The following NDUFS2 variants were observed in gnomAD, a reference collection of about 807,000 sequenced individuals.
NDUFS2 encodes NADH:ubiquinone oxidoreductase core subunit S2.
NDUFS2 carries 38 observed loss-of-function variants against 69.6 expected under a neutral mutation model. The observed-to-expected ratio is 0.55, with a 90% confidence interval of 0.42 to 0.72. The LOEUF (loss-of-function observed/expected upper bound fraction) is 0.72. Ranked by LOEUF, NDUFS2 falls within the 30% of genes least tolerant of loss-of-function variation. NDUFS2 has a pLI of 0.00. For missense variants in NDUFS2, 468 were observed against 595.0 expected (o/e 0.79, Z 2.22); for synonymous variants, 194 against 211.2 (o/e 0.92, Z 0.70).
intron 4 of NDUFS2, 23 bp downstream of exon 4, chr1:161,209,336 G>A (rs762166757): frequency 6.8e-6 from 11 of 1,614,094 alleles, no homozygotes; most frequent in Middle Eastern, 3.3e-4. Context: ...AACTTTTTCT[G>A]TGGCCCACTG....
upstream of NDUFS2, among the ~76,000 whole-genome samples, chr1:161,200,691 C>G (rs563942166): frequency 2.0e-3 from 297 of 152,198 alleles, 2 homozygotes; most frequent in African/African-American, 6.9e-3. Context: ...TCTAAGCCAA[C>G]GGGGCTGGGA....
At chr1:161,210,452 T>C (rs1211279644) in intron 8 of NDUFS2, 63 bp downstream of exon 8, 92 of 1,599,590 alleles carry the variant, frequency 5.8e-5, no homozygotes, top group Non-Finnish European at 7.5e-5. Context: ...TCCAGCCTAA[T>C]ATCTTGTCTT....
In NDUFS2 at chr1:161,214,159, C is replaced by A. The variant is rs1169146705; in HGVS notation, c.1358C>A (p.Thr453Asn). 6.2e-7 allele frequency: 1 copy of A among 1,613,956 alleles called. No individual in the cohort carries two copies. Among genetic ancestry groups the A allele is most frequent in the African/African-American group, 1.3e-5 (1 of 74,978 alleles). Residue 453 changes from threonine (T) to asparagine (N), a missense_variant, in exon 14 of 14, where the codon ACC becomes AAC. This residue lies in a region of NDUFS2 where 72 missense variants were observed against 118.9 expected (regional missense o/e 0.61). Coordinates refer to ENST00000676972, the MANE Select transcript of NDUFS2 (RefSeq NM_001377299.1). ...TTTCCTCCATCCTCTCACCTAGGTA[C>A]CCAAGATATTGTATTTGGAGAAGTA... ...MLADVVAIIG[T>N]QDIVFGEVDR
At chr1:161,209,072 T>G in intron 3 of NDUFS2, 121 bp from the exon 4 acceptor site, 1 of 1,352,830 alleles carries the variant, frequency 7.4e-7, no homozygotes, top group African/African-American at 1.4e-5. Context: ...TTGGGGCTCC[T>G]GAGACTAGAA....
intron 9 of NDUFS2, among the ~76,000 whole-genome samples, chr1:161,210,964 TC>T (rs1358455852): frequency 6.6e-6 from 1 of 152,238 alleles, no homozygotes; most frequent in African/African-American, 2.4e-5. Flanking sequence ...AACCTCCGCC[TC>T]CTGGGTTCAA....
At chr1:161,203,230 C>T (rs934196337) in intron 1 of NDUFS2, among the ~76,000 whole-genome samples, 2 of 152,104 alleles carry the variant, frequency 1.3e-5, no homozygotes, top group African/African-American at 4.8e-5. Flanking sequence ...CACTTGAACC[C>T]GGGAGGCGGA....
upstream of NDUFS2, chr1:161,198,608 T>C (rs561757420): frequency 1.4e-4 from 222 of 1,531,810 alleles, no homozygotes; most frequent in Non-Finnish European, 1.7e-4. This position sits in a 1 kb window ranked among gnomAD's most constrained non-coding sequence, Gnocchi z 4.7. Flanking sequence ...CCTCCCGGGA[T>C]GCGAGCCTGT....
intron 10 of NDUFS2, chr1:161,212,770 G>T: frequency 2.8e-6 from 1 of 357,834 alleles, no homozygotes; most frequent in South Asian, 2.2e-5. Flanking sequence ...TATTGGTCAG[G>T]GTGGTCTCGA....
intron 9 of NDUFS2, among the ~76,000 whole-genome samples, chr1:161,211,452 C>T (rs1665764438): frequency 6.6e-6 from 1 of 152,078 alleles, no homozygotes; most frequent in African/African-American, 2.4e-5. Flanking sequence ...AATTCAAGAC[C>T]AGCCTGGCCA....
chr1:161,206,267 G>A (rs779761715), intron 2 of NDUFS2, 140 bp from the exon 3 acceptor site: 142 of 862,128 alleles, frequency 1.6e-4, no homozygotes, highest in Non-Finnish European at 2.5e-4. Context: ...TCCTCTTCCT[G>A]GTTATAGTGG....
At chr1:161,209,709 G>A (rs1205582037) in intron 5 of NDUFS2, 114 bp downstream of exon 5, 4 of 1,237,158 alleles carry the variant, frequency 3.2e-6, no homozygotes, top group African/African-American at 1.5e-5. Flanking sequence ...ATTTAGAGGG[G>A]GAAGGTATGT....
chr1:161,209,747 A>G (rs1295839800), intron 5 of NDUFS2, 110 bp from the exon 6 acceptor site: 6 of 1,315,652 alleles, frequency 4.6e-6, no homozygotes, highest in South Asian at 1.2e-5. Flanking sequence ...TGTAGAAACT[A>G]TATCATGAGG....
In NDUFS2 at chr1:161,206,505, T is replaced by C. The variant is rs1044700801; in HGVS notation, c.301T>C (p.Leu101=). ...AHGVLRLVME[L]SGEMVRKCDP... ...TGGTGTCCTGCGACTAGTGATGGAA[T>C]TGAGTGGGGAGATGGTGCGGAAGTG... The change falls in exon 3 of 14, where the codon TTG becomes CTG. Residue 101 remains leucine (L), a synonymous_variant. Coordinates refer to ENST00000676972, the MANE Select transcript of NDUFS2 (RefSeq NM_001377299.1). The C allele has an allele frequency of 1.2e-6, 2 of 1,614,172 alleles. No individual in the cohort carries two copies. Among genetic ancestry groups the C allele is most frequent in the Non-Finnish European group, 1.7e-6 (2 of 1,180,026 alleles).
chr1:161,214,269 CTGTGTG>C lies in NDUFS2; in HGVS notation c.*102_*107del, dbSNP rs10629771. 585 of 896,494 alleles carry C rather than the reference CTGTGTG, an allele frequency of 6.5e-4. 2 individuals are homozygous for C. Among genetic ancestry groups the C allele is most frequent in the Non-Finnish European group, 8.7e-4 (485 of 557,702 alleles). The allele number at this position is 896,494 out of a possible 1,614,324, so 55.5% of individuals were successfully genotyped here. The stretch of plus-strand genomic sequence containing the variant: ...CCTGTTCCTCACTGGAAATTGGCCT[CTGTGTG>C]TGTGTGTGTGTGTGTGTGTGTGTGT... On this transcript the variant is annotated 3_prime_UTR_variant, in exon 14 of 14. Transcript: ENST00000676972.
chr1:161,205,078 G>A (rs1665387253), intron 2 of NDUFS2, among the ~76,000 whole-genome samples: 1 of 151,740 alleles, frequency 6.6e-6, no homozygotes, highest in Non-Finnish European at 1.5e-5. Flanking sequence ...AGGACACACA[G>A]GCAGATTTGT....
chr1:161,198,057 C>A, upstream of NDUFS2: 1 of 1,606,906 alleles, frequency 6.2e-7, no homozygotes, highest in Non-Finnish European at 8.5e-7. The surrounding 1 kb of genome is among the most constrained non-coding windows in gnomAD (Gnocchi z 4.7). Context: ...CACATGGGAC[C>A]TTGACCGCTG....
In NDUFS2 at chr1:161,203,546, G is replaced by A. The variant is rs755604585; in HGVS notation, c.202+3G>A. 23 of 1,610,328 alleles carry A rather than the reference G, an allele frequency of 1.4e-5. No homozygotes were observed. The highest frequency in any genetic ancestry group is 1.9e-5 in the Non-Finnish European group (22 of 1,177,658). ...CTGGAAGCCTCCACCTTGGAATGGT[G>A]AGTGACCAGAGTTGCTGTCCCAACC... is the stretch of plus-strand genomic sequence containing the variant. On this transcript the variant is annotated splice_donor_region_variant and intron_variant, in intron 2 of 13. Transcript: ENST00000676972.
At chr1:161,207,267 G>T (rs969233734) in intron 3 of NDUFS2, among the ~76,000 whole-genome samples, 3 of 152,342 alleles carry the variant, frequency 2.0e-5, no homozygotes, top group Non-Finnish European at 1.5e-5. Flanking sequence ...ACAGTTTCTG[G>T]TCCTGGAGTC....
At chr1:161,203,676 G>A (rs993595647) in intron 2 of NDUFS2, 133 bp downstream of exon 2, 6 of 781,494 alleles carry the variant, frequency 7.7e-6, no homozygotes, top group Non-Finnish European at 1.1e-5. Context: ...GCTCACTGTA[G>A]CCTTGAACTT....
Sources: gnomAD v4.1 joint callset for allele counts (sites outside exome capture counted in the v4.1 genomes callset) on GRCh38, gnomAD v4.1.1 for gene constraint, gnomAD v4.1.1 regional missense constraint, Gnocchi (gnomAD v3.1) non-coding constraint, MANE v1.5 for transcripts, NCBI Gene and HGNC (gene_info 2026-07-23, HGNC 2026-07-21) for gene names.